The following EPC1 variants were observed in gnomAD, a reference collection of about 807,000 sequenced individuals.
EPC1 encodes enhancer of polycomb 1.
Under a neutral mutation model 98.4 loss-of-function variants are expected in EPC1, and 12 were observed. The observed-to-expected ratio is 0.12, with a 90% CI of 0.08 to 0.20. The LOEUF (loss-of-function observed/expected upper bound fraction) is 0.20, where lower values mean the gene tolerates loss of function less well. EPC1 is among the 10% of genes least tolerant of loss of function. EPC1 has a pLI of 1.00. For synonymous variants in EPC1, 357 were observed against 363.9 expected (o/e 0.98, Z 0.21); for missense variants, 729 against 990.5 (o/e 0.74, Z 3.54).
intron 10 of EPC1, among the ~76,000 whole-genome samples, chr10:32,281,192 G>A (rs922493836): frequency 6.6e-6 from 1 of 152,142 alleles, no homozygotes; most frequent in African/African-American, 2.4e-5. Flanking sequence ...CCACCACCAC[G>A]TCTGGCTAAT....
At chr10:32,287,416 A>G (rs1306524718) in intron 6 of EPC1, 142 bp from the exon 7 acceptor site, 3 of 806,784 alleles carry the variant, frequency 3.7e-6, no homozygotes, top group Non-Finnish European at 5.8e-6. Flanking sequence ...ATGTTTGGCC[A>G]TCTTATAGTG....
At chr10:32,354,755 G>A (rs2133089225) in intron 1 of EPC1, among the ~76,000 whole-genome samples, 1 of 152,208 alleles carries the variant, frequency 6.6e-6, no homozygotes, top group Non-Finnish European at 1.5e-5. Context: ...AGCTTCATCT[G>A]TATTTACAGC....
At chr10:32,349,501 A>C (rs1366161813), upstream of EPC1, among the ~76,000 whole-genome samples, 1 of 152,154 alleles carries the variant, frequency 6.6e-6, no homozygotes, top group Non-Finnish European at 1.5e-5. Context: ...AATGCTGTGG[A>C]TTTCCAACTC....
intron 1 of EPC1, among the ~76,000 whole-genome samples, chr10:32,307,171 T>C (rs1318879936): frequency 4.6e-5 from 7 of 152,196 alleles, no homozygotes; most frequent in Non-Finnish European, 1.5e-5. Flanking sequence ...TTCCACTATA[T>C]GGACTTACCA....
At chr10:32,294,808 T>A (rs1475370930) in intron 2 of EPC1, among the ~76,000 whole-genome samples, 1 of 152,188 alleles carries the variant, frequency 6.6e-6, no homozygotes, top group African/African-American at 2.4e-5. Context: ...ACAGTCCACA[T>A]CTTTAGAATG....
intron 1 of EPC1, among the ~76,000 whole-genome samples, chr10:32,364,251 C>T (rs1839534222): frequency 6.6e-6 from 1 of 151,156 alleles, no homozygotes; most frequent in Non-Finnish European, 1.5e-5. Flanking sequence ...CCAGGCCGGT[C>T]TCGAACTCTT....
intron 10 of EPC1, among the ~76,000 whole-genome samples, chr10:32,277,567 A>G (rs1469242753): frequency 1.3e-5 from 2 of 150,428 alleles, no homozygotes; most frequent in African/African-American, 4.9e-5. Flanking sequence ...TTGGGCAGAA[A>G]TTTTTTTTTT....
At chr10:32,354,856 G>T (rs1220487303) in intron 1 of EPC1, among the ~76,000 whole-genome samples, 1 of 151,980 alleles carries the variant, frequency 6.6e-6, no homozygotes, top group Non-Finnish European at 1.5e-5. Context: ...CACATTGAGG[G>T]ATCTGGGTTG....
chr10:32,277,881 G>C (rs1028386943), intron 10 of EPC1, among the ~76,000 whole-genome samples: 4 of 151,512 alleles, frequency 2.6e-5, no homozygotes, highest in Non-Finnish European at 4.4e-5. Flanking sequence ...AAGACTCTCT[G>C]AGTCCATTTG....
chr10:32,284,285 A>G (rs1207209357), intron 10 of EPC1: 1 of 156,568 alleles, frequency 6.4e-6, no homozygotes, highest in Non-Finnish European at 1.4e-5. Context: ...GTGTCAACAT[A>G]TAAGGTTATG....
Position 32,347,103 on chromosome 10 carries a change from C to T in EPC1, c.-188G>A. 1 of 1,440,916 alleles carries T rather than the reference C, an allele frequency of 6.9e-7. No individual in the cohort carries two copies. The highest frequency in any genetic ancestry group is 9.1e-7 in the Non-Finnish European group (1 of 1,103,470). 89.3% of individuals were successfully genotyped at this position (1,440,916 alleles called of 1,614,324 possible). A position where few individuals can be genotyped will look rare whatever the true frequency, so the allele number is the denominator to read the frequency against. On this transcript the variant is annotated 5_prime_UTR_variant, in exon 1 of 14. Coordinates refer to ENST00000319778, the MANE Select transcript of EPC1 (RefSeq NM_001272004.3). ...AGGCTGTGCCGCTCCGCTCCTCTCT[C>T]GCTCGCTCTCTTCAATACGCCATGG... is the stretch of plus-strand genomic sequence containing the variant.
At chr10:32,275,432 G>T (rs1317190403) in intron 10 of EPC1, among the ~76,000 whole-genome samples, 7 of 152,104 alleles carry the variant, frequency 4.6e-5, no homozygotes, top group Non-Finnish European at 1.5e-5. Context: ...AGGAGTTCGA[G>T]ACCAGCCTGG....
intron 2 of EPC1, among the ~76,000 whole-genome samples, chr10:32,302,386 G>A (rs939300699): frequency 6.6e-6 from 1 of 152,090 alleles, no homozygotes; most frequent in Non-Finnish European, 1.5e-5. Flanking sequence ...GGTGGCTCAT[G>A]CCTATCATCC....
intron 1 of EPC1, among the ~76,000 whole-genome samples, chr10:32,372,949 G>A (rs910542485): frequency 3.3e-5 from 5 of 152,182 alleles, no homozygotes; most frequent in African/African-American, 7.2e-5. Flanking sequence ...GCTTGAACCC[G>A]GGAGGCGGAG....
rs535137535 is a variant in EPC1 at position 32,275,707 on chromosome 10, GA to G, written c.1745-2427del. Among the ~76,000 whole-genome samples the G allele has an allele frequency of 6.6e-3, 1,009 of 151,848 alleles. 15 individuals are homozygous for G. Among genetic ancestry groups the G allele is most frequent in the African/African-American group, 0.021 (888 of 41,398 alleles). On this transcript the variant is annotated intron_variant, in intron 10 of 13. Transcript: ENST00000319778. ...GGAGAATGGTGTGAACCCGGGAGGC[GA>G]AGCTTGCAGTGAGCCGAGATCGCGT...
chr10:32,312,110 A>C (rs1836269573), intron 1 of EPC1, among the ~76,000 whole-genome samples: 2 of 152,176 alleles, frequency 1.3e-5, no homozygotes, highest in African/African-American at 4.8e-5. Flanking sequence ...CACACAGAGA[A>C]GGCCAGTGAG....
At chr10:32,377,248 G>T (rs932743753) in intron 1 of EPC1, 1 of 152,092 alleles carries the variant, frequency 6.6e-6, no homozygotes, top group Non-Finnish European at 1.5e-5. Flanking sequence ...AATAATGTGG[G>T]AATTATTATA....
rs1839834062 is a variant in EPC1 at position 32,374,598 on chromosome 10, C to G, written c.3+3893G>C. On this transcript the variant is annotated intron_variant, in intron 1 of 13. Transcript: ENST00000375110. ...AACCCCAATATGTGAGTACTTGATG[C>G]CCGAATCATGGTCCTTCAATGGAAG... 3 of 152,108 alleles carry G rather than the reference C, an allele frequency of 2.0e-5. No individual in the cohort carries two copies. The South Asian group carries it at 6.2e-4, about 31-fold the overall frequency. The allele number at this position is 152,108 out of a possible 1,614,324, so 9.4% of individuals were successfully genotyped here.
intron 1 of EPC1, among the ~76,000 whole-genome samples, chr10:32,371,382 T>C (rs1461832379): frequency 6.6e-6 from 1 of 152,120 alleles, no homozygotes; most frequent in African/African-American, 2.4e-5. Context: ...TATGTGGCAT[T>C]GGTGGTTGGT....
Sources: gnomAD v4.1 joint callset for allele counts (sites outside exome capture counted in the v4.1 genomes callset) on GRCh38, gnomAD v4.1.1 for gene constraint, MANE v1.5 for transcripts, NCBI Gene and HGNC (gene_info 2026-07-23, HGNC 2026-07-21) for gene names.